Variants in CRYBG1 observed in about 807,000 individuals in gnomAD.
The protein encoded by CRYBG1 is beta/gamma crystallin domain-containing protein 1.
In CRYBG1, 139 loss-of-function variants were observed where a neutral mutation model predicts 189.2. The observed-to-expected ratio is 0.73, with a 90% CI of 0.64 to 0.85. The LOEUF (loss-of-function observed/expected upper bound fraction) is 0.85. CRYBG1 is among the 40% of genes least tolerant of loss of function. The pLI is 0.00. For missense variants in CRYBG1, 2,611 were observed against 2,675.8 expected (o/e 0.98, Z 0.53); for synonymous variants, 1,023 against 1,017.1 (o/e 1.01, Z -0.11).
chr6:106,567,556 C>T (rs1774927293), intron 21 of CRYBG1, among the ~76,000 whole-genome samples: 1 of 152,076 alleles, frequency 6.6e-6, no homozygotes, highest in South Asian at 2.1e-4. Context: ...CTTTCAATAC[C>T]AGTCACTCCC....
At chr6:106,562,038 T>C (rs1774734032) in intron 20 of CRYBG1, among the ~76,000 whole-genome samples, 1 of 152,218 alleles carries the variant, frequency 6.6e-6, no homozygotes, top group South Asian at 2.1e-4. Flanking sequence ...AAGAAGCTCA[T>C]GCTTCTATGG....
At chr6:106,403,629 G>A (rs75288933) in intron 1 of CRYBG1, among the ~76,000 whole-genome samples, 1,946 of 152,246 alleles carry the variant, frequency 0.013, 41 homozygotes, top group African/African-American at 0.044. Flanking sequence ...ATACACACAC[G>A]CACTTGAAAT....
chr6:106,512,583 GC>G lies in CRYBG1; in HGVS notation c.1470del (p.Gly491ValfsTer132). 1 of 1,606,010 alleles carries G rather than the reference GC, an allele frequency of 6.2e-7. No homozygotes were observed. On this transcript the variant is annotated frameshift_variant, in exon 3 of 22. Coordinates refer to ENST00000633556, the MANE Select transcript of CRYBG1 (RefSeq NM_001371242.2). LOFTEE classifies it high-confidence loss of function. ...GCTGCGAGCCCAGAGTCCAAGCCCA[GC>G]CCCGGTACCAAAGGGCAGCTCCGAG... ...ASAASPESKP[S>X]PGTKGQLRGE...
chr6:106,447,029 A>C (rs1771676093), intron 1 of CRYBG1, among the ~76,000 whole-genome samples: 1 of 152,206 alleles, frequency 6.6e-6, no homozygotes, highest in South Asian at 2.1e-4. Context: ...TAACACTGAA[A>C]CTTTCACTCT....
At chr6:106,490,126 C>T (rs554613089) in intron 2 of CRYBG1, among the ~76,000 whole-genome samples, 10 of 152,328 alleles carry the variant, frequency 6.6e-5, no homozygotes, top group Non-Finnish European at 1.0e-4. Flanking sequence ...AGAATGTCTA[C>T]CTACTGTTTA....
chr6:106,363,921 GTCATCA>G (rs569724801), intron 1 of CRYBG1, among the ~76,000 whole-genome samples: 2 of 151,784 alleles, frequency 1.3e-5, no homozygotes, highest in Admixed American at 6.6e-5. Context: ...AAGCATCCTG[GTCATCA>G]TCATCATCAT....
chr6:106,544,508 T>C (rs1426941408), intron 11 of CRYBG1, 63 bp from the exon 12 acceptor site: 4 of 1,568,786 alleles, frequency 2.5e-6, no homozygotes, highest in African/African-American at 1.4e-5. Flanking sequence ...GAAATTGATA[T>C]GTACCTTGAA....
At chr6:106,450,837 C>T (rs368298224) in intron 1 of CRYBG1, among the ~76,000 whole-genome samples, 3 of 152,258 alleles carry the variant, frequency 2.0e-5, no homozygotes, top group African/African-American at 7.2e-5. Context: ...CTCTCACATC[C>T]CATTGGTCAG....
At chr6:106,568,163 A>G (rs971040061) in intron 21 of CRYBG1, among the ~76,000 whole-genome samples, 1 of 150,494 alleles carries the variant, frequency 6.6e-6, no homozygotes, top group Non-Finnish European at 1.5e-5. Flanking sequence ...CTTGAATTTC[A>G]GACATTGTAA....
Position 106,541,617 on chromosome 6 carries a change from C to T in CRYBG1, c.4877C>T (p.Pro1626Leu). ...CGTAAAGTTGAATTCCCTACAGATCCAAAGGTAAAAATATATATGTATTTT... is the reference window on the plus strand; with the variant it reads ...CGTAAAGTTGAATTCCCTACAGATCTAAAGGTAAAAATATATATGTATTTT... ...GGRKVEFPTD[P>L]KVVVYEKPFF... The change falls in exon 10 of 22, where the codon CCA (proline) becomes CTA (leucine). Residue 1626 changes from proline (P) to leucine (L), a missense_variant. By Grantham distance (98) the Pro-to-Leu change is moderately conservative (BLOSUM62 -3). Around this residue, in one of 3 missense-constraint regions of CRYBG1, gnomAD observed 1,622 missense variants for 1,735.0 expected, o/e 0.93. Coordinates refer to ENST00000633556, the MANE Select transcript of CRYBG1 (RefSeq NM_001371242.2). 6.2e-7 allele frequency: 1 copy of T among 1,604,450 alleles called. No individual in the cohort carries two copies. The highest frequency in any genetic ancestry group is 8.5e-7 in the Non-Finnish European group (1 of 1,172,156).
At chr6:106,518,588 T>A (rs1001515780) in intron 3 of CRYBG1, among the ~76,000 whole-genome samples, 5 of 152,120 alleles carry the variant, frequency 3.3e-5, no homozygotes, top group Non-Finnish European at 5.9e-5. Flanking sequence ...AATCTTCCGA[T>A]CCCTCATATG....
chr6:106,399,654 C>A (rs1554232108), intron 1 of CRYBG1, among the ~76,000 whole-genome samples: 2 of 92,436 alleles, frequency 2.2e-5, no homozygotes, highest in South Asian at 9.7e-4. Flanking sequence ...TTTAGTTTTT[C>A]TTTCTTTTTT....
chr6:106,441,884 A>T (rs1205624211), intron 1 of CRYBG1, among the ~76,000 whole-genome samples: 1 of 152,210 alleles, frequency 6.6e-6, no homozygotes, highest in East Asian at 1.9e-4. Flanking sequence ...AAAACTAAAA[A>T]ATATAAGGAA....
intron 1 of CRYBG1, among the ~76,000 whole-genome samples, chr6:106,405,044 C>T (rs749662854): frequency 3.3e-5 from 5 of 151,970 alleles, no homozygotes; most frequent in Non-Finnish European, 7.4e-5. Flanking sequence ...ACTGTTCACT[C>T]CCCTGGAAAG....
chr6:106,410,200 G>A (rs1190944130), intron 1 of CRYBG1, among the ~76,000 whole-genome samples: 1 of 152,152 alleles, frequency 6.6e-6, no homozygotes, highest in African/African-American at 2.4e-5. Context: ...CCATCAAAAA[G>A]TGGGTGAAGG....
At chr6:106,525,635 C>T (rs1773722226) in intron 6 of CRYBG1, among the ~76,000 whole-genome samples, 1 of 152,104 alleles carries the variant, frequency 6.6e-6, no homozygotes, top group Non-Finnish European at 1.5e-5. Context: ...TTCTTTTTCC[C>T]ATGCTTCCCC....
At chr6:106,431,853 A>G (rs6913269) in intron 1 of CRYBG1, among the ~76,000 whole-genome samples, 49,140 of 151,652 alleles carry the variant, frequency 0.32, 9,204 homozygotes, top group African/African-American at 0.52. Context: ...CTAACATCTC[A>G]TATGGGCCCA....
intron 1 of CRYBG1, among the ~76,000 whole-genome samples, chr6:106,379,512 C>T (rs376479925): frequency 4.2e-4 from 64 of 152,110 alleles, no homozygotes; most frequent in Admixed American, 1.6e-3. Context: ...CCACCCGCCT[C>T]GGCCTCCCAA....
intron 2 of CRYBG1, among the ~76,000 whole-genome samples, chr6:106,493,676 C>G (rs1317767402): frequency 6.6e-6 from 1 of 150,778 alleles, no homozygotes; most frequent in East Asian, 2.0e-4. Context: ...ATGGATAGAG[C>G]TGGAAGCCAT....
Sources: allele counts gnomAD v4.1 joint callset (sites outside exome capture counted in the v4.1 genomes callset), GRCh38; gene constraint gnomAD v4.1.1; regional missense constraint gnomAD v4.1.1; transcripts MANE v1.5; gene names NCBI Gene and HGNC (gene_info 2026-07-23, HGNC 2026-07-21).